The following VSTM2B variants were observed in gnomAD, a reference collection of about 807,000 sequenced individuals.
VSTM2B encodes V-set and transmembrane domain-containing protein 2B.
Under a neutral mutation model 24.0 loss-of-function variants are expected in VSTM2B, and 24 were observed. That is an observed-to-expected ratio of 1.00 (90% CI 0.72 to 1.40). The LOEUF is 1.40. Ranked by LOEUF, VSTM2B falls within the 40% of genes most tolerant of loss-of-function variation. The pLI is 0.00. For missense variants in VSTM2B, 399 were observed against 416.4 expected (o/e 0.96, Z 0.36); for synonymous variants, 226 against 194.4 (o/e 1.16, Z -1.35).
chr19:29,525,803 G>A (rs1320330709), upstream of VSTM2B: 1 of 151,900 alleles, frequency 6.6e-6, no homozygotes, highest in East Asian at 2.0e-4. Flanking sequence ...GGTGCGGGGC[G>A]GGGCTGTACT....
At chr19:29,562,510 G>A (rs1178560572) in intron 4 of VSTM2B, among the ~76,000 whole-genome samples, 2 of 152,192 alleles carry the variant, frequency 1.3e-5, no homozygotes, top group Non-Finnish European at 2.9e-5. Context: ...CAGGCACGGG[G>A]CTGCAGCCCA....
At chr19:29,539,352 G>T (rs903669538) in intron 4 of VSTM2B, among the ~76,000 whole-genome samples, 1 of 152,140 alleles carries the variant, frequency 6.6e-6, no homozygotes, top group African/African-American at 2.4e-5. Context: ...GGGTGGCAAG[G>T]AGAAGCTCAG....
chr19:29,531,185 C>T (rs1330824459), intron 4 of VSTM2B, among the ~76,000 whole-genome samples: 1 of 152,116 alleles, frequency 6.6e-6, no homozygotes, highest in African/African-American at 2.4e-5. Flanking sequence ...CCACTCTCTC[C>T]CCCTGCTCCA....
At chr19:29,560,580 T>C (rs368167419) in intron 4 of VSTM2B, among the ~76,000 whole-genome samples, 3 of 152,034 alleles carry the variant, frequency 2.0e-5, no homozygotes, top group East Asian at 3.9e-4. Context: ...AACAGAGACA[T>C]AGCAGACCCT....
intron 4 of VSTM2B, among the ~76,000 whole-genome samples, chr19:29,547,510 G>A (rs372099164): frequency 1.4e-4 from 21 of 152,302 alleles, no homozygotes; most frequent in African/African-American, 5.1e-4. Flanking sequence ...CTTGACTAGA[G>A]GTCATCAGTT....
Position 29,526,895 on chromosome 19 carries a change from G to T in VSTM2B, c.82+230G>T, listed in dbSNP as rs1285553105. 1.0e-5 allele frequency: 5 copies of T among 487,474 alleles called. 1 individual carries two copies. The highest frequency in any genetic ancestry group is 1.1e-5 in the Non-Finnish European group (3 of 280,894). The allele number at this position is 487,474 out of a possible 1,614,324, so 30.2% of individuals were successfully genotyped here. A position where few individuals can be genotyped will look rare whatever the true frequency, so the allele number is the denominator to read the frequency against. On this transcript the variant is annotated intron_variant, in intron 1 of 4. Coordinates refer to ENST00000335523, the MANE Select transcript of VSTM2B (RefSeq NM_001146339.2). This position sits in a 1 kb window ranked among gnomAD's most constrained non-coding sequence, Gnocchi z 4.1. ...CCGCCGGGGCCCCGGCTGCGGAAAG[G>T]ATGCCTGCGGGGAGCGGGAGTAGGC...
chr19:29,527,405 C>A lies in VSTM2B; in HGVS notation c.267+10C>A, dbSNP rs1218661134. The A allele has an allele frequency of 1.3e-6, 2 of 1,512,866 alleles. No homozygotes were observed. The highest frequency in any genetic ancestry group is 2.6e-5 in the East Asian group (1 of 38,550). The allele number at this position is 1,512,866 out of a possible 1,614,324, so 93.7% of individuals were successfully genotyped here. ...GGGCGCCCGGAGCAAGGTAACCCGC[C>A]GCCCACGCGGTACCGGCGCGCGCCC... On this transcript the variant is annotated intron_variant, in intron 2 of 4. Coordinates refer to ENST00000335523, the MANE Select transcript of VSTM2B (RefSeq NM_001146339.2).
rs911974367 is a variant in VSTM2B, at chr19:29,527,406, G to T, written c.267+11G>T. On this transcript the variant is annotated intron_variant, in intron 2 of 4. Transcript: ENST00000335523. ...GGCGCCCGGAGCAAGGTAACCCGCC[G>T]CCCACGCGGTACCGGCGCGCGCCCG... 9 of 1,511,894 alleles carry T rather than the reference G, an allele frequency of 6.0e-6. No homozygotes were observed. The highest frequency in any genetic ancestry group is 7.1e-6 in the Non-Finnish European group (8 of 1,132,820). 93.7% of individuals were successfully genotyped at this position (1,511,894 alleles called of 1,614,324 possible). A position where few individuals can be genotyped will look rare whatever the true frequency, so the allele number is the denominator to read the frequency against.
chr19:29,554,034 G>T (rs1015125985), intron 4 of VSTM2B, among the ~76,000 whole-genome samples: 4 of 152,156 alleles, frequency 2.6e-5, no homozygotes, highest in Admixed American at 6.5e-5. Context: ...CCCCAACCTA[G>T]CAAGACAGGC....
intron 4 of VSTM2B, among the ~76,000 whole-genome samples, chr19:29,561,672 T>A (rs916523307): frequency 2.6e-5 from 4 of 152,192 alleles, no homozygotes; most frequent in Non-Finnish European, 4.4e-5. Context: ...GTGAGGCCCA[T>A]GGGACCAGTC....
At chr19:29,535,467 C>G (rs1032490477) in intron 4 of VSTM2B, among the ~76,000 whole-genome samples, 2 of 152,298 alleles carry the variant, frequency 1.3e-5, no homozygotes, top group East Asian at 3.9e-4. Context: ...ATGGCCCCCA[C>G]AGAGAGCCGG....
intron 4 of VSTM2B, among the ~76,000 whole-genome samples, chr19:29,547,038 A>G (rs1662997449): frequency 6.6e-6 from 1 of 152,182 alleles, no homozygotes; most frequent in African/African-American, 2.4e-5. Context: ...CACAGGGGCC[A>G]GACTGCCTGG....
intron 4 of VSTM2B, among the ~76,000 whole-genome samples, chr19:29,557,086 G>A (rs1168620692): frequency 2.0e-5 from 3 of 152,058 alleles, no homozygotes; most frequent in African/African-American, 4.8e-5. Flanking sequence ...ACAATCCTAA[G>A]CAAAAAGAAC....
chr19:29,536,851 A>C (rs1393051881), intron 4 of VSTM2B, among the ~76,000 whole-genome samples: 1 of 152,242 alleles, frequency 6.6e-6, no homozygotes, highest in Non-Finnish European at 1.5e-5. Flanking sequence ...TTCCCCAAGC[A>C]TCCGTGGGGA....
chr19:29,530,312 G>T, intron 4 of VSTM2B, 22 bp downstream of exon 4: 1 of 1,478,972 alleles, frequency 6.8e-7, no homozygotes, highest in Non-Finnish European at 8.9e-7. Flanking sequence ...CGGAGAGGGG[G>T]CGCACGCGCG....
At chr19:29,543,051 C>T (rs1970060928) in intron 4 of VSTM2B, among the ~76,000 whole-genome samples, 1 of 152,174 alleles carries the variant, frequency 6.6e-6, no homozygotes, top group South Asian at 2.1e-4. Context: ...GAGCAGCGGA[C>T]CTCCTCCCTC....
chr19:29,527,446 C>T (rs1044357694), intron 2 of VSTM2B, 51 bp downstream of exon 2: 296 of 1,401,922 alleles, frequency 2.1e-4, no homozygotes, highest in Non-Finnish European at 2.6e-4. Flanking sequence ...GCGCCCGGGG[C>T]GGCGAAGGCT....
intron 4 of VSTM2B, among the ~76,000 whole-genome samples, chr19:29,541,525 T>G (rs543098795): frequency 3.3e-5 from 5 of 151,832 alleles, no homozygotes; most frequent in African/African-American, 9.7e-5. Flanking sequence ...GATGAGTGGA[T>G]GAATTGGAGA....
At chr19:29,542,963 G>A (rs1970059098) in intron 4 of VSTM2B, among the ~76,000 whole-genome samples, 1 of 152,152 alleles carries the variant, frequency 6.6e-6, no homozygotes, top group African/African-American at 2.4e-5. Context: ...CCTAGACAGA[G>A]GGGAAGGGCA....
Sources: gnomAD v4.1 joint callset for allele counts (sites outside exome capture counted in the v4.1 genomes callset) on GRCh38, gnomAD v4.1.1 for gene constraint, Gnocchi (gnomAD v3.1) non-coding constraint, MANE v1.5 for transcripts, NCBI Gene and HGNC (gene_info 2026-07-23, HGNC 2026-07-21) for gene names.